The following RET variants were observed in gnomAD, a reference collection of about 807,000 sequenced individuals.
RET encodes ret proto-oncogene.
Under a neutral mutation model 118.3 loss-of-function variants are expected in RET, and 19 were observed. That is an observed-to-expected ratio of 0.16 (90% confidence interval 0.11 to 0.24). The LOEUF is 0.24. RET is among the 10% of genes least tolerant of loss of function. RET has a pLI of 1.00. For synonymous variants in RET, 597 were observed against 644.1 expected (o/e 0.93, Z 1.11); for missense variants, 1,219 against 1,502.1 (o/e 0.81, Z 3.12).
chr10:43,113,792 C>T, intron 10 of RET, 117 bp downstream of exon 10: 1 of 1,434,388 alleles, frequency 7.0e-7, no homozygotes, highest in East Asian at 2.4e-5. Context: ...CCCCATGAAA[C>T]TTCCCTCCCT....
intron 1 of RET, among the ~76,000 whole-genome samples, chr10:43,085,473 C>A (rs1243506453): frequency 1.3e-5 from 2 of 152,226 alleles, no homozygotes; most frequent in South Asian, 2.1e-4. Context: ...TCCCTCACCC[C>A]CCAGGGGCCA....
chr10:43,113,687 G>A lies in RET; in HGVS notation c.1879+12G>A, dbSNP rs2132832490. The A allele has an allele frequency of 1.2e-6, 2 of 1,612,590 alleles. No individual in the cohort carries two copies. Among genetic ancestry groups the A allele is most frequent in the Non-Finnish European group, 1.7e-6 (2 of 1,179,780 alleles). Reference sequence around the variant, plus strand: ...CGAAGACATCCAGGGTGAGTGGGTGGCGGCCGGGACCACCACCACCTCCCA... The same window carrying A: ...CGAAGACATCCAGGGTGAGTGGGTGACGGCCGGGACCACCACCACCTCCCA... On this transcript the variant is annotated intron_variant, in intron 10 of 19. Transcript: ENST00000355710.
Position 43,113,536 on chromosome 10 carries a change from T to G in RET, c.1760-20T>G, listed in dbSNP as rs766839936. 7.5e-6 allele frequency: 12 copies of G among 1,596,226 alleles called. No homozygotes were observed. The highest frequency in any genetic ancestry group is 1.0e-5 in the Non-Finnish European group (12 of 1,173,522). On this transcript the variant is annotated intron_variant, in intron 9 of 19. Coordinates refer to ENST00000355710, the MANE Select transcript of RET (RefSeq NM_020975.6). ...TGGTCAGGCGCCCCAGGAGGCTGAGTGGGCTACGTCTGCCCTCAGGGGGCA... is the reference window on the plus strand; with the variant it reads ...TGGTCAGGCGCCCCAGGAGGCTGAGGGGGCTACGTCTGCCCTCAGGGGGCA...
At chr10:43,096,823 A>G (rs1456080377) in intron 1 of RET, among the ~76,000 whole-genome samples, 1 of 152,218 alleles carries the variant, frequency 6.6e-6, no homozygotes, top group African/African-American at 2.4e-5. Flanking sequence ...ACCTCTGAGC[A>G]GGGCCCACTG....
intron 1 of RET, among the ~76,000 whole-genome samples, chr10:43,082,008 C>T (rs1457161681): frequency 1.3e-5 from 2 of 152,154 alleles, no homozygotes; most frequent in Admixed American, 1.3e-4. Context: ...CTTGGATTGG[C>T]GCTGAGACAA....
intron 1 of RET, among the ~76,000 whole-genome samples, chr10:43,081,306 T>TAAATAGTAACAA (rs148225123): frequency 6.6e-6 from 1 of 151,662 alleles, no homozygotes; most frequent in East Asian, 1.9e-4. Flanking sequence ...GCAGAGTGAC[T>TAAATAGTAACAA]TAATAGTAAC....
chr10:43,111,981 G>T (rs560224653), intron 7 of RET, 118 bp from the exon 8 acceptor site: 2 of 1,418,410 alleles, frequency 1.4e-6, no homozygotes, highest in Middle Eastern at 2.2e-4. Flanking sequence ...CTGTCACTCC[G>T]GTCCCCTTGG....
At chr10:43,113,803 C>G in intron 10 of RET, 128 bp downstream of exon 10, 2 of 1,342,614 alleles carry the variant, frequency 1.5e-6, no homozygotes, top group South Asian at 2.7e-5. Flanking sequence ...TTCCCTCCCT[C>G]CCTCTGGGCC....
intron 1 of RET, among the ~76,000 whole-genome samples, chr10:43,079,719 A>T (rs1219076595): frequency 6.6e-6 from 1 of 152,116 alleles, no homozygotes; most frequent in Non-Finnish European, 1.5e-5. Context: ...CCAGCATGGA[A>T]GAGCTGGGCA....
intron 1 of RET, among the ~76,000 whole-genome samples, chr10:43,088,859 A>G (rs755573517): frequency 3.9e-5 from 6 of 152,112 alleles, no homozygotes; most frequent in Non-Finnish European, 5.9e-5. Context: ...GTCTCCAACC[A>G]GCATTCACCT....
intron 4 of RET, among the ~76,000 whole-genome samples, chr10:43,105,583 C>T (rs1471532778): frequency 1.3e-5 from 2 of 152,156 alleles, no homozygotes; most frequent in African/African-American, 4.8e-5. Flanking sequence ...TGGAGAAGGA[C>T]GGGAAGGCGG....
chr10:43,127,188 T>A (rs550548868), intron 19 of RET: 38 of 1,088,506 alleles, frequency 3.5e-5, no homozygotes, highest in Non-Finnish European at 4.0e-5. Flanking sequence ...GGCAGGCAGG[T>A]GCCTCTCAGA....
At chr10:43,097,491 C>T (rs1415004474) in intron 1 of RET, among the ~76,000 whole-genome samples, 2 of 152,250 alleles carry the variant, frequency 1.3e-5, no homozygotes, top group East Asian at 3.9e-4. Flanking sequence ...GAACATGGAC[C>T]CCACTGCCTG....
At chr10:43,111,083 G>C in intron 6 of RET, 124 bp from the exon 7 acceptor site, 4 of 1,381,904 alleles carry the variant, frequency 2.9e-6, no homozygotes, top group African/African-American at 1.4e-5. Flanking sequence ...TGCTCGGGGG[G>C]GCTGCTGTCT....
intron 2 of RET, among the ~76,000 whole-genome samples, 199 bp from the exon 3 acceptor site, chr10:43,102,143 G>A (rs1467274119): frequency 6.6e-6 from 1 of 152,250 alleles, no homozygotes; most frequent in Non-Finnish European, 1.5e-5. Context: ...AGCTAGGCCT[G>A]TGGGGCATTG....
chr10:43,115,085 C>T (rs1157476141), intron 11 of RET, among the ~76,000 whole-genome samples: 1 of 152,116 alleles, frequency 6.6e-6, no homozygotes, highest in African/African-American at 2.4e-5. Context: ...CAGGCTGTGC[C>T]GAGTATCCTG....
chr10:43,083,407 CCTT>C (rs1383194548), intron 1 of RET, among the ~76,000 whole-genome samples: 37 of 152,244 alleles, frequency 2.4e-4, no homozygotes, highest in African/African-American at 8.7e-4. Flanking sequence ...TCTACTATGT[CCTT>C]CTTGTGGCAT....
rs1837796454 is a variant in RET at position 43,106,990 on chromosome 10, GA to G, written c.1063+421del. On this transcript the variant is annotated intron_variant, in intron 5 of 19. Coordinates refer to ENST00000355710, the MANE Select transcript of RET (RefSeq NM_020975.6). This position sits in a 1 kb window ranked among gnomAD's most constrained non-coding sequence, Gnocchi z 5.1. ...TCTCTGCTAAACAGGCTGGTGTACA[GA>G]AGCAGCCCCGAGCCAGGTCAGGGCT... 6.6e-6 allele frequency among the ~76,000 whole-genome samples: 1 copy of G among 152,220 alleles called. No individual in the cohort carries two copies. Among genetic ancestry groups the G allele is most frequent in the African/African-American group, 2.4e-5 (1 of 41,446 alleles).
chr10:43,091,898 GTAAA>G (rs1443459627), intron 1 of RET, among the ~76,000 whole-genome samples: 2 of 151,504 alleles, frequency 1.3e-5, no homozygotes, highest in African/African-American at 4.9e-5. Flanking sequence ...CTGCTGGAAG[GTAAA>G]TAGTGTAGCT....
Sources: allele counts gnomAD v4.1 joint callset (sites outside exome capture counted in the v4.1 genomes callset), GRCh38; gene constraint gnomAD v4.1.1; non-coding constraint Gnocchi (gnomAD v3.1); transcripts MANE v1.5; gene names NCBI Gene and HGNC (gene_info 2026-07-23, HGNC 2026-07-21).